ANKRD12: variants seen among roughly 807,000 people sequenced by gnomAD.
The protein encoded by ANKRD12 is ankyrin repeat domain 12.
In ANKRD12, 85 loss-of-function variants were observed where a neutral mutation model predicts 183.4. The observed-to-expected ratio is 0.46, with a 90% CI of 0.39 to 0.56. ANKRD12 has a LOEUF of 0.56. Ranked by LOEUF, ANKRD12 falls within the 20% of genes least tolerant of loss-of-function variation. The pLI is 0.00. For synonymous variants in ANKRD12, 914 were observed against 800.2 expected, an observed-to-expected ratio of 1.14 and a Z score of -2.40; for missense variants, 2,405 against 2,357.1, an observed-to-expected ratio of 1.02 and a Z score of -0.42.
At chr18:9,218,456 A>G (rs1036606489) in intron 7 of ANKRD12, among the ~76,000 whole-genome samples, 1 of 152,090 alleles carries the variant, frequency 6.6e-6, no homozygotes, top group Non-Finnish European at 1.5e-5. Context: ...ATTCTGAGCC[A>G]CTCCCAAATA....
At chr18:9,250,082 A>C (rs527718415) in intron 8 of ANKRD12, 3 of 152,314 alleles carry the variant, frequency 2.0e-5, no homozygotes, top group Admixed American at 1.3e-4. Context: ...TGCTCAGCTA[A>C]TAATAGGGCT....
chr18:9,157,550 GGTGTGTGTGTGTGTGTGT>G (rs71168037), intron 1 of ANKRD12, among the ~76,000 whole-genome samples: 2 of 114,596 alleles, frequency 1.7e-5, no homozygotes, highest in African/African-American at 4.0e-5. Context: ...GGTGTGTGTG[GGTGTGTGTGTGTGTGTGT>G]GTGTGTGTGT....
At chr18:9,148,975 GGGCA>G (rs947022283) in intron 1 of ANKRD12, among the ~76,000 whole-genome samples, 2 of 152,016 alleles carry the variant, frequency 1.3e-5, no homozygotes, top group Admixed American at 6.6e-5. Flanking sequence ...TTTTGTGTGT[GGGCA>G]TGTGTGTACA....
Position 9,281,003 on chromosome 18 carries a change from A to T in ANKRD12, c.6066A>T (p.Glu2022Asp), listed in dbSNP as rs1032964891. Residue 2022 changes from glutamate to aspartate, a missense_variant, in exon 13 of 13, where the codon GAA (glutamate) becomes GAT (aspartate). Physicochemically the swap from Glu to Asp is conservative, Grantham distance 45. Around this residue, in one of 7 missense-constraint regions of ANKRD12, gnomAD observed 162 missense variants for 272.2 expected, o/e 0.60. Coordinates refer to ENST00000262126, the MANE Select transcript of ANKRD12 (RefSeq NM_015208.5). ...CTTTAAATGCTGTCCAGAGGTTAGA[A>T]TGGCAGCTCAAACTCCAGGAACTTG... is the stretch of plus-strand genomic sequence containing the variant. ...AAALNAVQRL[E>D]WQLKLQELDP... is the part of the protein sequence containing the mutation. The T allele has an allele frequency of 6.2e-7, 1 of 1,614,148 alleles. No individual in the cohort carries two copies. The highest frequency in any genetic ancestry group is 8.5e-7 in the Non-Finnish European group (1 of 1,180,012).
At position 9,201,106 on chromosome 18, in the gene ANKRD12, C is replaced by T. The variant is rs145229441; in HGVS notation, c.236-3370C>T. Among the ~76,000 whole-genome samples, 216 of 152,172 alleles carry T rather than the reference C, an allele frequency of 1.4e-3. 1 individual carries two copies. The highest frequency in any genetic ancestry group is 4.9e-3 in the African/African-American group (204 of 41,518). Reference sequence around the variant, plus strand: ...GAGTCTGAAAAATCATACTTTTAGCCGGGCATATTGTTTCCCTGATCAAAA... The same window carrying T: ...GAGTCTGAAAAATCATACTTTTAGCTGGGCATATTGTTTCCCTGATCAAAA... On this transcript the variant is annotated intron_variant, in intron 3 of 12. Transcript: ENST00000262126.
chr18:9,208,118 G>A (rs1313811198), intron 4 of ANKRD12, among the ~76,000 whole-genome samples: 1 of 152,082 alleles, frequency 6.6e-6, no homozygotes, highest in Non-Finnish European at 1.5e-5. Flanking sequence ...GTCATTTCAT[G>A]TTCAGCTATC....
At chr18:9,242,048 TACAC>T (rs35897302) in intron 8 of ANKRD12, among the ~76,000 whole-genome samples, 11 of 151,578 alleles carry the variant, frequency 7.3e-5, no homozygotes, top group African/African-American at 1.2e-4. Context: ...TGTATATATA[TACAC>T]ACACACACAC....
chr18:9,217,780 A>G (rs2036193429), intron 7 of ANKRD12, among the ~76,000 whole-genome samples: 1 of 152,186 alleles, frequency 6.6e-6, no homozygotes. Flanking sequence ...TTCCTGCACT[A>G]GACTGCAAGT....
At chr18:9,231,269 G>C (rs2037029311) in intron 8 of ANKRD12, among the ~76,000 whole-genome samples, 1 of 152,042 alleles carries the variant, frequency 6.6e-6, no homozygotes, top group Non-Finnish European at 1.5e-5. Flanking sequence ...TAGGTCCTTT[G>C]GTCTGAAGTC....
chr18:9,140,968 T>G (rs1598373441), intron 1 of ANKRD12, among the ~76,000 whole-genome samples: 1 of 152,200 alleles, frequency 6.6e-6, no homozygotes, highest in African/African-American at 2.4e-5. Flanking sequence ...ATGTGATGGA[T>G]AGATTTTACA....
At chr18:9,266,582 T>C (rs1365008569) in intron 10 of ANKRD12, among the ~76,000 whole-genome samples, 4 of 152,156 alleles carry the variant, frequency 2.6e-5, no homozygotes, top group African/African-American at 4.8e-5. Context: ...ATTTTGTCAC[T>C]ACCAGGCCTG....
At chr18:9,196,631 T>A (rs754717795) in intron 3 of ANKRD12, among the ~76,000 whole-genome samples, 2 of 152,232 alleles carry the variant, frequency 1.3e-5, no homozygotes, top group African/African-American at 2.4e-5. Flanking sequence ...AAACATTCTA[T>A]GCTAACATAG....
intron 8 of ANKRD12, among the ~76,000 whole-genome samples, chr18:9,245,324 G>C (rs1031471662): frequency 6.6e-6 from 1 of 151,602 alleles, no homozygotes; most frequent in East Asian, 1.9e-4. Flanking sequence ...GGTGGGGCAC[G>C]CGTGTAGTAC....
intron 1 of ANKRD12, among the ~76,000 whole-genome samples, chr18:9,139,607 C>G (rs546300632): frequency 6.6e-6 from 1 of 152,150 alleles, no homozygotes; most frequent in African/African-American, 2.4e-5. Flanking sequence ...CTACTGCTCT[C>G]TGTATATAGA....
Position 9,258,802 on chromosome 18 carries a change from A to C in ANKRD12, c.5535A>C (p.Lys1845Asn), listed in dbSNP as rs2038793404. The change falls in exon 9 of 13, where the codon AAA (lysine) becomes AAC (asparagine). Residue 1845 changes from lysine (K) to asparagine (N), a missense_variant. Around this residue, in one of 7 missense-constraint regions of ANKRD12, gnomAD observed 162 missense variants for 272.2 expected, o/e 0.60. Coordinates refer to ENST00000262126, the MANE Select transcript of ANKRD12 (RefSeq NM_015208.5). ...TTGAATACTTGCACATAAGGAAAAA[A>C]ATAGAAGAAAAACGCAAATTACTGT... is the stretch of plus-strand genomic sequence containing the variant. ...PYFEYLHIRK[K>N]IEEKRKLLCS... is the part of the protein sequence containing the mutation. 1 of 1,613,804 alleles carries C rather than the reference A, an allele frequency of 6.2e-7. No homozygotes were observed. Among genetic ancestry groups the C allele is most frequent in the Non-Finnish European group, 8.5e-7 (1 of 1,179,854 alleles).
intron 2 of ANKRD12, among the ~76,000 whole-genome samples, chr18:9,183,889 A>T (rs1410745698): frequency 2.6e-5 from 4 of 151,670 alleles, no homozygotes; most frequent in Admixed American, 1.3e-4. Flanking sequence ...TACCTCTTTT[A>T]TGTTGCCATT....
Position 9,257,746 on chromosome 18 carries a change from T to A in ANKRD12, c.4479T>A (p.Ser1493=), listed in dbSNP as rs371299324. 6.2e-7 allele frequency: 1 copy of A among 1,614,108 alleles called. No homozygotes were observed. The highest frequency in any genetic ancestry group is 8.5e-7 in the Non-Finnish European group (1 of 1,179,998). ...ASFMPPQQPC[S]FPSQSLSDAE... ...TTATGCCTCCACAGCAGCCTTGCTCTTTCCCCAGCCAATCACTTTCAGATG... is the reference window on the plus strand; with the variant it reads ...TTATGCCTCCACAGCAGCCTTGCTCATTCCCCAGCCAATCACTTTCAGATG... Residue 1493 remains serine (S), a synonymous_variant, in exon 9 of 13, where the codon TCT becomes TCA. Coordinates refer to ENST00000262126, the MANE Select transcript of ANKRD12 (RefSeq NM_015208.5).
rs767310232 is a variant in ANKRD12, at chr18:9,283,361, C to T, written c.*2235C>T. The T allele has an allele frequency of 1.3e-5, 2 of 152,120 alleles. No homozygotes were observed. The highest frequency in any genetic ancestry group is 2.4e-5 in the African/African-American group (1 of 41,420). The allele number at this position is 152,120 out of a possible 1,614,324, so 9.4% of individuals were successfully genotyped here. ...GTTCTCACTCTCTTAAATGGTACCT[C>T]AAAAAGCTGGAGCCTCTCTGCCATG... On this transcript the variant is annotated 3_prime_UTR_variant, in exon 13 of 13. Coordinates refer to ENST00000262126, the MANE Select transcript of ANKRD12 (RefSeq NM_015208.5).
intron 1 of ANKRD12, among the ~76,000 whole-genome samples, chr18:9,154,711 T>C (rs1249657944): frequency 6.6e-6 from 1 of 152,182 alleles, no homozygotes; most frequent in Non-Finnish European, 1.5e-5. Flanking sequence ...ATTAGGATGG[T>C]AGCAAGTGAG....
Sources: allele counts gnomAD v4.1 joint callset (sites outside exome capture counted in the v4.1 genomes callset), GRCh38; gene constraint gnomAD v4.1.1; regional missense constraint gnomAD v4.1.1; transcripts MANE v1.5; gene names NCBI Gene and HGNC (gene_info 2026-07-23, HGNC 2026-07-21).